SPOCK3: variants seen among roughly 807,000 people sequenced by gnomAD.
SPOCK3 encodes the protein SPARC (osteonectin), cwcv and kazal like domains proteoglycan 3, also known as testican-3.
In SPOCK3, 30 loss-of-function variants were observed where a neutral mutation model predicts 56.6. The observed-to-expected ratio is 0.53, with a 90% confidence interval of 0.40 to 0.72. The LOEUF is 0.72. SPOCK3 is among the 30% of genes least tolerant of loss of function. The probability of loss-of-function intolerance (pLI) is 0.00; values close to 1 mark genes in which losing one functional copy is unlikely to be tolerated. For synonymous variants in SPOCK3, 196 were observed against 183.3 expected, an observed-to-expected ratio of 1.07 and a Z score of -0.56; for missense variants, 527 against 530.0, an observed-to-expected ratio of 0.99 and a Z score of 0.06.
intron 2 of SPOCK3, among the ~76,000 whole-genome samples, chr4:167,219,131 A>C (rs903295276): frequency 3.9e-5 from 6 of 152,316 alleles, no homozygotes; most frequent in African/African-American, 1.4e-4. Context: ...GGGATTGTTC[A>C]TTTTAGATGA....
intron 3 of SPOCK3, among the ~76,000 whole-genome samples, chr4:167,031,945 A>G (rs1162940535): frequency 6.6e-6 from 1 of 152,022 alleles, no homozygotes; most frequent in African/African-American, 2.4e-5. Flanking sequence ...TGAAGTATCT[A>G]GAGTTCTGTT....
chr4:166,832,890 G>A (rs1266690655), intron 6 of SPOCK3, among the ~76,000 whole-genome samples: 1 of 152,112 alleles, frequency 6.6e-6, no homozygotes. Flanking sequence ...AATAAATTCT[G>A]GGTCCTACTA....
chr4:166,824,615 C>A (rs1385625962), intron 6 of SPOCK3, among the ~76,000 whole-genome samples: 1 of 152,070 alleles, frequency 6.6e-6, no homozygotes. Context: ...CAGCCCTATA[C>A]TTTTATTGAT....
chr4:167,149,215 A>T (rs1051465589), intron 2 of SPOCK3, among the ~76,000 whole-genome samples: 3 of 152,174 alleles, frequency 2.0e-5, no homozygotes, highest in Non-Finnish European at 2.9e-5. Context: ...TCTTCTACAT[A>T]GCAAATATAT....
chr4:167,183,906 T>G (rs145227339), intron 2 of SPOCK3, among the ~76,000 whole-genome samples: 2 of 152,254 alleles, frequency 1.3e-5, no homozygotes, highest in African/African-American at 4.8e-5. Flanking sequence ...ATAGAAACTT[T>G]TATTAGAGAT....
intron 6 of SPOCK3, among the ~76,000 whole-genome samples, chr4:166,832,461 G>T (rs866791874): frequency 1.3e-5 from 2 of 152,180 alleles, no homozygotes; most frequent in African/African-American, 4.8e-5. Context: ...ATACTTTGTT[G>T]GTGGGAATAT....
chr4:166,944,309 G>A (rs62355382), intron 4 of SPOCK3, among the ~76,000 whole-genome samples: 55,185 of 151,708 alleles, frequency 0.36, 11,327 homozygotes, highest in East Asian at 0.64. Flanking sequence ...CAATATGTCT[G>A]TATTTCTTAC....
At chr4:167,208,701 T>G (rs1015575441) in intron 2 of SPOCK3, among the ~76,000 whole-genome samples, 3 of 147,706 alleles carry the variant, frequency 2.0e-5, no homozygotes, top group African/African-American at 7.7e-5. Context: ...TGATTTAGAT[T>G]TTTGTTTATA....
intron 3 of SPOCK3, among the ~76,000 whole-genome samples, chr4:167,007,582 T>A (rs902026056): frequency 6.6e-6 from 1 of 152,140 alleles, no homozygotes; most frequent in Admixed American, 6.6e-5. Flanking sequence ...ACCTTAACCA[T>A]CTGGCTGCAA....
At chr4:167,209,267 T>C (rs1487365526) in intron 2 of SPOCK3, among the ~76,000 whole-genome samples, 4 of 152,150 alleles carry the variant, frequency 2.6e-5, no homozygotes, top group African/African-American at 9.7e-5. Context: ...ATATCAGTTT[T>C]CTAAGTAATA....
chr4:167,151,101 C>A (rs1304573899), intron 2 of SPOCK3, among the ~76,000 whole-genome samples: 2 of 152,176 alleles, frequency 1.3e-5, no homozygotes, highest in Non-Finnish European at 2.9e-5. Flanking sequence ...AAATTAGAAT[C>A]TGTTGACAGT....
intron 2 of SPOCK3, among the ~76,000 whole-genome samples, chr4:167,085,568 A>G (rs1758118685): frequency 6.6e-6 from 1 of 152,134 alleles, no homozygotes; most frequent in Non-Finnish European, 1.5e-5. Flanking sequence ...ATGTGGCGAA[A>G]TTCATCGTTT....
chr4:167,156,181 T>C (rs546789302), intron 2 of SPOCK3, among the ~76,000 whole-genome samples: 11 of 152,268 alleles, frequency 7.2e-5, no homozygotes, highest in African/African-American at 2.4e-4. Context: ...GTGTTCTGTT[T>C]TACATATACA....
chr4:167,123,253 A>T (rs950048829), intron 2 of SPOCK3, among the ~76,000 whole-genome samples: 5 of 152,146 alleles, frequency 3.3e-5, no homozygotes, highest in Non-Finnish European at 7.3e-5. Context: ...TATATGAATG[A>T]TATATAAGTT....
intron 8 of SPOCK3, among the ~76,000 whole-genome samples, chr4:166,747,344 A>C (rs1424621323): frequency 1.3e-5 from 2 of 152,232 alleles, no homozygotes; most frequent in Non-Finnish European, 2.9e-5. Flanking sequence ...GCAAATCAAT[A>C]AACGTAATCC....
At chr4:167,074,624 C>T (rs941616914) in intron 2 of SPOCK3, among the ~76,000 whole-genome samples, 1 of 151,776 alleles carries the variant, frequency 6.6e-6, no homozygotes, top group African/African-American at 2.4e-5. Context: ...GACATCCTAT[C>T]GCTATAGCAT....
chr4:167,149,199 A>G (rs527646562), intron 2 of SPOCK3, among the ~76,000 whole-genome samples: 2 of 152,288 alleles, frequency 1.3e-5, no homozygotes, highest in Admixed American at 1.3e-4. Context: ...GTAGTTCTCA[A>G]TTAATTCTTC....
chr4:166,962,070 C>T (rs1744202516), intron 4 of SPOCK3, among the ~76,000 whole-genome samples: 1 of 152,122 alleles, frequency 6.6e-6, no homozygotes, highest in Non-Finnish European at 1.5e-5. Flanking sequence ...CAGAGTCTTT[C>T]TCAAATCACA....
At chr4:166,865,433 C>A (rs1210073637) in intron 6 of SPOCK3, among the ~76,000 whole-genome samples, 2 of 152,026 alleles carry the variant, frequency 1.3e-5, no homozygotes, top group Non-Finnish European at 2.9e-5. Flanking sequence ...CTGGCCAGGG[C>A]AATGAGGCAA....
Sources: allele counts gnomAD v4.1 joint callset (sites outside exome capture counted in the v4.1 genomes callset), GRCh38; gene constraint gnomAD v4.1.1; transcripts MANE v1.5; gene names NCBI Gene and HGNC (gene_info 2026-07-23, HGNC 2026-07-21).